Variants in CFAP69 observed in about 807,000 individuals in gnomAD.
CFAP69 encodes cilia- and flagella-associated protein 69.
CFAP69 carries 92 observed loss-of-function variants against 123.0 expected under a neutral mutation model. The ratio of observed to expected loss-of-function variants is 0.75; its 90% CI spans 0.63 to 0.89. The LOEUF (loss-of-function observed/expected upper bound fraction) is 0.89, where lower values mean the gene tolerates loss of function less well. Ranked by LOEUF, CFAP69 falls within the 40% of genes least tolerant of loss-of-function variation. The pLI is 0.00. For synonymous variants in CFAP69, 380 were observed against 364.3 expected, an observed-to-expected ratio of 1.04 and a Z score of -0.49; for missense variants, 1,067 against 1,096.9, an observed-to-expected ratio of 0.97 and a Z score of 0.39.
At chr7:90,296,120 A>C (rs556614315) in intron 15 of CFAP69, among the ~76,000 whole-genome samples, 92 of 152,266 alleles carry the variant, frequency 6.0e-4, no homozygotes, top group African/African-American at 2.1e-3. Flanking sequence ...CCCAGCCCCT[A>C]TTCAAGATGG....
chr7:90,300,186 G>C, intron 17 of CFAP69, 127 bp downstream of exon 17: 2 of 1,143,768 alleles, frequency 1.7e-6, no homozygotes, highest in Non-Finnish European at 2.2e-6. Flanking sequence ...TTTTTACAAG[G>C]GTTTGAAAAA....
At chr7:90,282,709 A>G (rs1320837922) in intron 12 of CFAP69, among the ~76,000 whole-genome samples, 183 bp from the exon 13 acceptor site, 3 of 152,150 alleles carry the variant, frequency 2.0e-5, no homozygotes, top group Admixed American at 6.5e-5. Flanking sequence ...TCCAAAACAC[A>G]TACTTCTATT....
At position 90,303,897 on chromosome 7, in the gene CFAP69, C is replaced by CTATGTTATTTA. The variant is rs1793178223; in HGVS notation, c.2051-71_2051-70insATGTTATTTAT. On this transcript the variant is annotated intron_variant, in intron 17 of 22. Coordinates refer to ENST00000389297, the MANE Select transcript of CFAP69 (RefSeq NM_001039706.3). ...TATTTTATGTTATCTAGACTAAAATCTCAAAATTAAGTATTTGTTTACTAT... is the reference window on the plus strand; with the variant it reads ...TATTTTATGTTATCTAGACTAAAATCTATGTTATTTATCAAAATTAAGTATTTGTTTACTAT... The CTATGTTATTTA allele has an allele frequency of 1.1e-5, 15 of 1,418,448 alleles. No individual in the cohort carries two copies. In the Admixed American group the frequency reaches 1.6e-4, roughly 16 times the overall value. The allele number at this position is 1,418,448 out of a possible 1,614,324, so 87.9% of individuals were successfully genotyped here.
Position 90,295,302 on chromosome 7 carries a change from G to A in CFAP69, c.1776-2447G>A, listed in dbSNP as rs576370370. The stretch of plus-strand genomic sequence containing the variant: ...TAAATTTGCCTTCAAATCCAGGGTC[G>A]GTCAAGTTTCCTTGCTTTTTAATAA... On this transcript the variant is annotated intron_variant, in intron 15 of 22. Coordinates refer to ENST00000389297, the MANE Select transcript of CFAP69 (RefSeq NM_001039706.3). 7.9e-5 allele frequency among the ~76,000 whole-genome samples: 12 copies of A among 152,130 alleles called. No individual in the cohort carries two copies. In the East Asian group the frequency reaches 1.4e-3, roughly 17 times the overall value.
At chr7:90,308,311 C>T (rs1247686703) in intron 21 of CFAP69, among the ~76,000 whole-genome samples, 1 of 152,026 alleles carries the variant, frequency 6.6e-6, no homozygotes, top group African/African-American at 2.4e-5. Flanking sequence ...GATAAATATC[C>T]CTTTGTAGAA....
chr7:90,279,692 A>G lies in CFAP69; in HGVS notation c.1171A>G (p.Lys391Glu). Residue 391 changes from lysine (K) to glutamate (E), a missense_variant, in exon 12 of 23, where the codon AAA becomes GAA. Physicochemically the swap from Lys to Glu is moderately conservative, Grantham distance 56. Coordinates refer to ENST00000389297, the MANE Select transcript of CFAP69 (RefSeq NM_001039706.3). Reference protein sequence around the residue: ...LPTVQLLIDGKVILALFTYVK... With the variant: ...LPTVQLLIDGEVILALFTYVK... ...TTTCTCACAGCTATTAATTGATGGC[A>G]AAGTTATTTTGGCTTTGTTTACCTA... 6.2e-7 allele frequency: 1 copy of G among 1,602,122 alleles called. No individual in the cohort carries two copies. The highest frequency in any genetic ancestry group is 8.5e-7 in the Non-Finnish European group (1 of 1,176,084).
chr7:90,245,348 C>A lies in CFAP69; in HGVS notation c.-77C>A. 1 of 1,419,124 alleles carries A rather than the reference C, an allele frequency of 7.0e-7. No homozygotes were observed. Among genetic ancestry groups the A allele is most frequent in the South Asian group, 1.6e-5 (1 of 62,192 alleles). 87.9% of individuals were successfully genotyped at this position (1,419,124 alleles called of 1,614,324 possible). A position where few individuals can be genotyped will look rare whatever the true frequency, so the allele number is the denominator to read the frequency against. On this transcript the variant is annotated 5_prime_UTR_variant, in exon 1 of 23. Transcript: ENST00000389297. ...CTGCCTTCCCTTCTCGGTGGCGGGG[C>A]CTCTTTGGGCCCAGCGGCTGCGGGC...
intron 9 of CFAP69, among the ~76,000 whole-genome samples, chr7:90,275,380 G>A (rs1788430984): frequency 6.6e-6 from 1 of 152,004 alleles, no homozygotes; most frequent in African/African-American, 2.4e-5. Context: ...GTGTGGTTCA[G>A]CTATCAGCCA....
chr7:90,275,534 C>CT (rs1294178403), intron 9 of CFAP69, among the ~76,000 whole-genome samples: 1 of 144,846 alleles, frequency 6.9e-6, no homozygotes, highest in Non-Finnish European at 1.5e-5. Flanking sequence ...CAGGGTTACT[C>CT]TGAGTTTTAG....
chr7:90,266,836 TC>T (rs1310176514), intron 5 of CFAP69, among the ~76,000 whole-genome samples: 1 of 152,234 alleles, frequency 6.6e-6, no homozygotes, highest in Non-Finnish European at 1.5e-5. Context: ...AGTTAGAACT[TC>T]CAGTTTCTAC....
At chr7:90,250,235 A>AGAGAGAAT (rs1267005649) in intron 1 of CFAP69, among the ~76,000 whole-genome samples, 3 of 134,266 alleles carry the variant, frequency 2.2e-5, no homozygotes, top group Non-Finnish European at 4.7e-5. Flanking sequence ...AGAGAGAGAG[A>AGAGAGAAT]CTCCTTGGTT....
chr7:90,297,960 TAAAC>T (rs1792243678), intron 16 of CFAP69, 130 bp downstream of exon 16: 1 of 588,422 alleles, frequency 1.7e-6, no homozygotes, highest in Non-Finnish European at 2.9e-6. Flanking sequence ...GGTACGGTCT[TAAAC>T]AAAATTGCTC....
chr7:90,309,398 A>G (rs1268319804), intron 22 of CFAP69, 31 bp downstream of exon 22: 3 of 1,251,774 alleles, frequency 2.4e-6, no homozygotes, highest in South Asian at 1.5e-5. Flanking sequence ...CATTTTCTTA[A>G]TAGACATTAA....
Position 90,245,309 on chromosome 7 carries a change from T to C in CFAP69, c.-116T>C. On this transcript the variant is annotated 5_prime_UTR_variant, in exon 1 of 23. Coordinates refer to ENST00000389297, the MANE Select transcript of CFAP69 (RefSeq NM_001039706.3). ...GGAATTTTGGGACCTTTCGCGACTC[T>C]AGCGACTCTCAGGCTGCCTTCCCTT... The C allele has an allele frequency of 1.5e-6, 2 of 1,370,144 alleles. No individual in the cohort carries two copies. The highest frequency in any genetic ancestry group is 1.9e-6 in the Non-Finnish European group (2 of 1,054,998). 84.9% of individuals were successfully genotyped at this position (1,370,144 alleles called of 1,614,324 possible).
Position 90,287,619 on chromosome 7 carries a change from C to T in CFAP69, c.1657-615C>T, listed in dbSNP as rs555653093. 1.1e-4 allele frequency: 112 copies of T among 985,276 alleles called. 2 individuals are homozygous for T. In the South Asian group the frequency reaches 4.0e-3, roughly 35 times the overall value. 61.0% of individuals were successfully genotyped at this position (985,276 alleles called of 1,614,324 possible). On this transcript the variant is annotated intron_variant, in intron 14 of 22. Transcript: ENST00000389297. ...TTTCAATAGATAGATTTTAAGTGAA[C>T]GCCTGTTTAGCTCCAAGCTTTGATG...
Position 90,272,516 on chromosome 7 carries a change from A to G in CFAP69, c.860+558A>G, listed in dbSNP as rs557851262. ...TAAATGTTATGAAACAGATTATTGT[A>G]AGATGCTACATGTTCTTCAGAAGAA... is the stretch of plus-strand genomic sequence containing the variant. On this transcript the variant is annotated intron_variant, in intron 8 of 22. Coordinates refer to ENST00000389297, the MANE Select transcript of CFAP69 (RefSeq NM_001039706.3). Among the ~76,000 whole-genome samples, 9 of 152,326 alleles carry G rather than the reference A, an allele frequency of 5.9e-5. No individual in the cohort carries two copies. In the East Asian group the frequency reaches 1.7e-3, roughly 29 times the overall value.
At chr7:90,268,465 A>G in intron 6 of CFAP69, 81 bp downstream of exon 6, 2 of 1,031,390 alleles carry the variant, frequency 1.9e-6, no homozygotes, top group East Asian at 2.5e-5. Context: ...AATTTGACAG[A>G]CACAGTGGGC....
At chr7:90,278,994 A>C (rs1789023976) in intron 11 of CFAP69, among the ~76,000 whole-genome samples, 1 of 152,160 alleles carries the variant, frequency 6.6e-6, no homozygotes, top group African/African-American at 2.4e-5. Context: ...TTCTCTTGTG[A>C]ATCATAAATA....
chr7:90,251,634 C>T (rs1246943225), intron 1 of CFAP69, among the ~76,000 whole-genome samples: 3 of 151,794 alleles, frequency 2.0e-5, no homozygotes, highest in Non-Finnish European at 2.9e-5. Context: ...GAGGTGAGGA[C>T]ATTGTTATTC....
Sources: gnomAD v4.1 joint callset for allele counts (sites outside exome capture counted in the v4.1 genomes callset) on GRCh38, gnomAD v4.1.1 for gene constraint, MANE v1.5 for transcripts, NCBI Gene and HGNC (gene_info 2026-07-23, HGNC 2026-07-21) for gene names.